The following ADAM10 variants were observed in gnomAD, a reference collection of about 807,000 sequenced individuals.
ADAM10 encodes disintegrin and metalloproteinase domain-containing protein 10.
In ADAM10, 17 loss-of-function variants were observed where a neutral mutation model predicts 90.1. The ratio of observed to expected loss-of-function variants is 0.19; its 90% confidence interval spans 0.13 to 0.28. The LOEUF is 0.28. Among genes scored for constraint, ADAM10 ranks in the 10% least tolerant of loss-of-function variants. The pLI is 1.00. For synonymous variants in ADAM10, 310 were observed against 298.6 expected (o/e 1.04, Z -0.40); for missense variants, 610 against 914.3 (o/e 0.67, Z 4.29).
rs1247569668 is a variant in ADAM10, at chr15:58,633,110, T to C, written c.1176+86A>G. 8 of 1,322,174 alleles carry C rather than the reference T, an allele frequency of 6.1e-6. No individual in the cohort carries two copies. In the South Asian group the frequency reaches 6.2e-5, roughly 10 times the overall value. The allele number at this position is 1,322,174 out of a possible 1,614,324, so 81.9% of individuals were successfully genotyped here. On this transcript the variant is annotated intron_variant, in intron 9 of 15. Coordinates refer to ENST00000260408, the MANE Select transcript of ADAM10 (RefSeq NM_001110.4). The stretch of plus-strand genomic sequence containing the variant: ...AACTAAACACTCGTAAGTACATTTG[T>C]TTTCACGGTGAATTTTAAATAAATC...
intron 11 of ADAM10, among the ~76,000 whole-genome samples, chr15:58,619,301 A>G (rs1266235206): frequency 6.6e-6 from 1 of 152,202 alleles, no homozygotes; most frequent in Non-Finnish European, 1.5e-5. Flanking sequence ...GAGGTTAGAG[A>G]GTAGAATGGT....
At chr15:58,657,526 T>C (rs1170342075) in intron 5 of ADAM10, among the ~76,000 whole-genome samples, 1 of 152,222 alleles carries the variant, frequency 6.6e-6, no homozygotes, top group Admixed American at 6.5e-5. Flanking sequence ...ACTCTAGAAT[T>C]TCTGCTTGAT....
At chr15:58,702,411 TAAC>T (rs1248510176) in intron 2 of ADAM10, among the ~76,000 whole-genome samples, 6 of 152,162 alleles carry the variant, frequency 3.9e-5, no homozygotes, top group Non-Finnish European at 5.9e-5. Flanking sequence ...TGACTACAGT[TAAC>T]AACAATACAT....
intron 2 of ADAM10, among the ~76,000 whole-genome samples, chr15:58,688,786 A>ATATATATATATATATATCTCTCTCTC: frequency 4.1e-5 from 5 of 122,382 alleles, no homozygotes; most frequent in Admixed American, 1.6e-4. Flanking sequence ...ATATATATAT[A>ATATATATATATATATATCTCTCTCTC]TCTCTCTCTC....
At chr15:58,698,315 T>C (rs1424331052) in intron 2 of ADAM10, 2 of 447,662 alleles carry the variant, frequency 4.5e-6, no homozygotes, top group South Asian at 1.6e-5. Context: ...CTCACATCTG[T>C]AATCCCAGCA....
chr15:58,649,371 C>A (rs1406996790), intron 5 of ADAM10, among the ~76,000 whole-genome samples: 1 of 152,152 alleles, frequency 6.6e-6, no homozygotes, highest in South Asian at 2.1e-4. Context: ...TACCACCCTA[C>A]AAGTCTTTAC....
chr15:58,730,629 G>A (rs1307370943), intron 1 of ADAM10, among the ~76,000 whole-genome samples: 2 of 152,104 alleles, frequency 1.3e-5, no homozygotes, highest in Admixed American at 1.3e-4. Flanking sequence ...AAACCTCTGT[G>A]TTAGTTAATT....
intron 11 of ADAM10, among the ~76,000 whole-genome samples, chr15:58,617,124 A>G (rs1027612431): frequency 6.6e-6 from 1 of 152,046 alleles, no homozygotes; most frequent in Non-Finnish European, 1.5e-5. Context: ...ATAAAAAAAT[A>G]AAAAAATAAA....
chr15:58,643,817 G>T, intron 7 of ADAM10, 69 bp downstream of exon 7: 2 of 1,123,130 alleles, frequency 1.8e-6, no homozygotes, highest in South Asian at 1.3e-5. Context: ...GCAAGCTTTT[G>T]TGTGTGTGTG....
Position 58,633,250 on chromosome 15 carries a change from G to T in ADAM10, c.1122C>A (p.Pro374=). 1 of 1,613,506 alleles carries T rather than the reference G, an allele frequency of 6.2e-7. No homozygotes were observed. Residue 374 remains proline (P), a synonymous_variant, in exon 9 of 16, where the codon CCC becomes CCA. Coordinates refer to ENST00000260408, the MANE Select transcript of ADAM10 (RefSeq NM_001110.4). ...GAGCAAAAGTAATGTGAGAGACTTT[G>T]GGAGGTACATGAGACCCATAGTTCT... ...TVQNYGSHVP[P]KVSHITFAHE...
chr15:58,628,614 A>G (rs1261316494), intron 9 of ADAM10, among the ~76,000 whole-genome samples: 1 of 152,140 alleles, frequency 6.6e-6, no homozygotes, highest in Non-Finnish European at 1.5e-5. Context: ...TTATGAGACC[A>G]AGCAACAGAA....
intron 1 of ADAM10, among the ~76,000 whole-genome samples, chr15:58,720,097 T>C (rs1898792098): frequency 6.6e-6 from 1 of 152,230 alleles, no homozygotes; most frequent in Non-Finnish European, 1.5e-5. Context: ...TAAGTAATTA[T>C]TTAACTTTTT....
chr15:58,740,370 C>G (rs1899567833), intron 1 of ADAM10, among the ~76,000 whole-genome samples: 1 of 151,224 alleles, frequency 6.6e-6, no homozygotes, highest in Non-Finnish European at 1.5e-5. Context: ...GATCGCACCA[C>G]TGCATTCCAG....
chr15:58,629,752 T>A (rs1255593355), intron 9 of ADAM10, among the ~76,000 whole-genome samples: 1 of 152,050 alleles, frequency 6.6e-6, no homozygotes, highest in East Asian at 1.9e-4. Context: ...AATTTAAAAT[T>A]TGGACTATAC....
Position 58,594,304 on chromosome 15 carries a change from A to G in ADAM10, c.*3243T>C, listed in dbSNP as rs1199226689. 1 of 152,200 alleles carries G rather than the reference A, an allele frequency of 6.6e-6. No homozygotes were observed. Among genetic ancestry groups the G allele is most frequent in the African/African-American group, 2.4e-5 (1 of 41,450 alleles). 9.4% of individuals were successfully genotyped at this position (152,200 alleles called of 1,614,324 possible). On this transcript the variant is annotated 3_prime_UTR_variant, in exon 16 of 16. Coordinates refer to ENST00000260408, the MANE Select transcript of ADAM10 (RefSeq NM_001110.4). Reference sequence around the variant, plus strand: ...TTCAATTAGAAATACTTAATAAGAAATGCCTTCTCATGCACAAGCCCCGAA... The same window carrying G: ...TTCAATTAGAAATACTTAATAAGAAGTGCCTTCTCATGCACAAGCCCCGAA...
intron 5 of ADAM10, among the ~76,000 whole-genome samples, chr15:58,660,816 G>A (rs147840089): frequency 6.6e-6 from 1 of 152,194 alleles, no homozygotes; most frequent in Admixed American, 6.5e-5. Flanking sequence ...AGGCCTAATA[G>A]TAAACATTTA....
intron 4 of ADAM10, among the ~76,000 whole-genome samples, chr15:58,670,606 TAAGATATA>T (rs1464456572): frequency 6.6e-6 from 1 of 152,116 alleles, no homozygotes; most frequent in Non-Finnish European, 1.5e-5. Context: ...GAAAGAGATC[TAAGATATA>T]ACTGTACATG....
chr15:58,668,667 A>G (rs565991617), intron 4 of ADAM10, among the ~76,000 whole-genome samples: 1 of 152,244 alleles, frequency 6.6e-6, no homozygotes, highest in East Asian at 1.9e-4. Context: ...CAGGGCTTTG[A>G]TAACATTTTT....
At chr15:58,727,600 G>A (rs1261663893) in intron 1 of ADAM10, among the ~76,000 whole-genome samples, 1 of 152,068 alleles carries the variant, frequency 6.6e-6, no homozygotes, top group African/African-American at 2.4e-5. Flanking sequence ...CCGAAGTTCT[G>A]GGATTACAGG....
Sources: gnomAD v4.1 joint callset for allele counts (sites outside exome capture counted in the v4.1 genomes callset) on GRCh38, gnomAD v4.1.1 for gene constraint, MANE v1.5 for transcripts, NCBI Gene and HGNC (gene_info 2026-07-23, HGNC 2026-07-21) for gene names.